NFIA: variants seen among roughly 807,000 people sequenced by gnomAD.
NFIA encodes nuclear factor 1 A-type.
A neutral mutation model predicts 62.8 loss-of-function variants in NFIA; 8 were observed. That is an observed-to-expected ratio of 0.13 (90% CI 0.07 to 0.23). NFIA has a LOEUF of 0.23. NFIA is among the 10% of genes least tolerant of loss of function. The pLI is 1.00. For synonymous variants in NFIA, 235 were observed against 238.1 expected, an observed-to-expected ratio of 0.99 and a Z score of 0.12; for missense variants, 410 against 642.1, an observed-to-expected ratio of 0.64 and a Z score of 3.91.
intron 2 of NFIA, among the ~76,000 whole-genome samples, chr1:61,239,207 T>G (rs1655185718): frequency 6.6e-6 from 1 of 152,156 alleles, no homozygotes. Context: ...TTCTTAGTAG[T>G]ACTCTAGAAT....
chr1:61,168,689 T>C (rs1432498675), intron 2 of NFIA, among the ~76,000 whole-genome samples: 2 of 152,246 alleles, frequency 1.3e-5, no homozygotes, highest in Non-Finnish European at 2.9e-5. Flanking sequence ...ACTCCAGGAC[T>C]ATTTCATGCT....
chr1:61,378,744 G>C (rs1183331971), intron 6 of NFIA, among the ~76,000 whole-genome samples: 1 of 152,182 alleles, frequency 6.6e-6, no homozygotes, highest in Non-Finnish European at 1.5e-5. Context: ...TCAAGGGCCT[G>C]TTGCTGACTC....
chr1:61,245,006 G>A (rs1303499014), intron 2 of NFIA, among the ~76,000 whole-genome samples: 1 of 152,096 alleles, frequency 6.6e-6, no homozygotes. Context: ...TGAAATAAAT[G>A]GAACTAAATG....
intron 2 of NFIA, among the ~76,000 whole-genome samples, chr1:61,141,453 A>G (rs747908423): frequency 6.6e-6 from 1 of 152,172 alleles, no homozygotes; most frequent in African/African-American, 2.4e-5. Context: ...GTCAGCGCCT[A>G]TAATACTGGT....
rs1264736176 is a variant in NFIA, at chr1:61,322,524, A to C, written c.626-9988A>C. The stretch of plus-strand genomic sequence containing the variant: ...TTCGCTCATAAAAAGGGGTAGAGAC[A>C]ATGTTCAGGGCAAGAATTTCCTTTC... On this transcript the variant is annotated intron_variant, in intron 3 of 10. Transcript: ENST00000403491. Among the ~76,000 whole-genome samples the C allele has an allele frequency of 2.6e-5, 4 of 152,222 alleles. No individual in the cohort carries two copies. In the East Asian group the frequency reaches 7.7e-4, roughly 29 times the overall value.
chr1:61,376,303 ATT>A (rs1664146908), intron 6 of NFIA, among the ~76,000 whole-genome samples: 1 of 152,160 alleles, frequency 6.6e-6, no homozygotes, highest in Non-Finnish European at 1.5e-5. Context: ...TAAGAGAAGA[ATT>A]TTTGTCCTTT....
chr1:61,445,021 A>C (rs187900338), intron 10 of NFIA, among the ~76,000 whole-genome samples: 2 of 152,380 alleles, frequency 1.3e-5, no homozygotes, highest in East Asian at 1.9e-4. Flanking sequence ...ATCCGAAAAC[A>C]AAGTGAGAAT....
At chr1:61,363,854 A>G (rs995436653) in intron 6 of NFIA, among the ~76,000 whole-genome samples, 4 of 152,066 alleles carry the variant, frequency 2.6e-5, no homozygotes, top group Non-Finnish European at 4.4e-5. Flanking sequence ...AGCTCATCAC[A>G]CAGGCCCTCA....
intron 2 of NFIA, among the ~76,000 whole-genome samples, chr1:61,248,378 C>G (rs944003934): frequency 2.0e-5 from 3 of 152,070 alleles, no homozygotes; most frequent in African/African-American, 7.2e-5. Flanking sequence ...TAGACAGTTC[C>G]CTAATATTAA....
chr1:61,240,938 T>G (rs561471336), intron 2 of NFIA, among the ~76,000 whole-genome samples: 9 of 151,502 alleles, frequency 5.9e-5, no homozygotes, highest in Middle Eastern at 7.0e-3. Context: ...TTTGGAAAAA[T>G]CAGCACCTGC....
At chr1:61,443,757 G>C (rs1667689157) in intron 10 of NFIA, among the ~76,000 whole-genome samples, 1 of 152,130 alleles carries the variant, frequency 6.6e-6, no homozygotes, top group Admixed American at 6.5e-5. Context: ...GAGAGTCCTT[G>C]GTGCTCTTTC....
intron 2 of NFIA, among the ~76,000 whole-genome samples, chr1:61,230,117 A>C (rs1023377490): frequency 1.3e-5 from 2 of 152,204 alleles, no homozygotes; most frequent in African/African-American, 4.8e-5. Context: ...TTAATTAAAA[A>C]ACATTTGGAA....
intron 4 of NFIA, among the ~76,000 whole-genome samples, chr1:61,348,640 C>T (rs1407667558): frequency 6.6e-6 from 1 of 152,198 alleles, no homozygotes. Context: ...TTCCCCTATT[C>T]TGGCTCTCTT....
intron 3 of NFIA, among the ~76,000 whole-genome samples, chr1:61,310,924 TA>T (rs1660074451): frequency 1.3e-5 from 2 of 152,264 alleles, no homozygotes; most frequent in Middle Eastern, 3.4e-3. Flanking sequence ...TTTCCACTCT[TA>T]CTCACCTGTG....
intron 2 of NFIA, among the ~76,000 whole-genome samples, chr1:61,230,291 A>G (rs956382315): frequency 8.5e-5 from 13 of 152,206 alleles, no homozygotes; most frequent in African/African-American, 3.1e-4. Flanking sequence ...AAATAATTTG[A>G]CAGTAATTTG....
intron 7 of NFIA, among the ~76,000 whole-genome samples, chr1:61,399,230 T>C (rs1485266560): frequency 6.6e-6 from 1 of 152,222 alleles, no homozygotes; most frequent in Non-Finnish European, 1.5e-5. Flanking sequence ...TCATTAACAC[T>C]AAGACTGTGA....
intron 3 of NFIA, among the ~76,000 whole-genome samples, chr1:61,283,581 C>CAAAAAAAAAAAAAAAAAAAAAAAAAAAA (rs576613886): frequency 8.2e-5 from 3 of 36,680 alleles, no homozygotes; most frequent in Non-Finnish European, 1.6e-4. Flanking sequence ...GACTCTGTCT[C>CAAAAAAAAAAAAAAAAAAAAAAAAAAAA]AAAAAAAAAA....
intron 2 of NFIA, among the ~76,000 whole-genome samples, chr1:61,105,143 A>G (rs1184231314): frequency 2.0e-5 from 3 of 151,934 alleles, no homozygotes; most frequent in Admixed American, 6.6e-5. Flanking sequence ...TCTTCTTGCA[A>G]TTCCATGTTT....
chr1:61,240,970 G>GTT (rs561327612), intron 2 of NFIA, among the ~76,000 whole-genome samples: 10 of 138,512 alleles, frequency 7.2e-5, no homozygotes, highest in East Asian at 2.1e-4. Context: ...TTTGGGGTTT[G>GTT]TTTTTTTTTT....
Sources: gnomAD v4.1 joint callset for allele counts (sites outside exome capture counted in the v4.1 genomes callset) on GRCh38, gnomAD v4.1.1 for gene constraint, MANE v1.5 for transcripts, NCBI Gene and HGNC (gene_info 2026-07-23, HGNC 2026-07-21) for gene names.